Variants in DLG2 observed in about 807,000 individuals in gnomAD.
The protein encoded by DLG2 is disks large homolog 2.
Under a neutral mutation model 132.5 loss-of-function variants are expected in DLG2, and 45 were observed. The observed-to-expected ratio is 0.34, with a 90% confidence interval of 0.27 to 0.44. The LOEUF is 0.44. DLG2 is among the 20% of genes least tolerant of loss of function. DLG2 has a pLI of 1.00. For synonymous variants in DLG2, 424 were observed against 419.6 expected (o/e 1.01, Z -0.13); for missense variants, 1,045 against 1,196.9 (o/e 0.87, Z 1.87).
At chr11:83,570,137 A>G (rs934249190) in intron 19 of DLG2, among the ~76,000 whole-genome samples, 10 of 152,126 alleles carry the variant, frequency 6.6e-5, no homozygotes, top group African/African-American at 2.4e-4. Context: ...TATCAAGCAC[A>G]CTAGTTATGG....
chr11:85,448,763 T>C (rs1038817530), intron 3 of DLG2, among the ~76,000 whole-genome samples: 6 of 152,162 alleles, frequency 3.9e-5, no homozygotes, highest in African/African-American at 7.2e-5. Flanking sequence ...CTTATCTTTA[T>C]TGCTTCCAAG....
intron 19 of DLG2, among the ~76,000 whole-genome samples, chr11:83,587,145 T>C (rs1248891351): frequency 6.6e-6 from 1 of 152,240 alleles, no homozygotes; most frequent in African/African-American, 2.4e-5. Context: ...ATTATTGTTA[T>C]GCTTTGGATT....
chr11:84,169,652 C>A (rs971904282), intron 8 of DLG2, among the ~76,000 whole-genome samples: 4 of 151,974 alleles, frequency 2.6e-5, no homozygotes, highest in Non-Finnish European at 5.9e-5. Flanking sequence ...GCAGGTGGAT[C>A]ACTCGAAGTC....
intron 18 of DLG2, among the ~76,000 whole-genome samples, chr11:83,713,874 G>A (rs1331931947): frequency 6.6e-6 from 1 of 152,184 alleles, no homozygotes; most frequent in East Asian, 1.9e-4. Context: ...GAGTACTTGC[G>A]AATGTGCAAG....
intron 6 of DLG2, among the ~76,000 whole-genome samples, chr11:85,062,443 T>C (rs2064255833): frequency 6.6e-6 from 1 of 151,518 alleles, no homozygotes; most frequent in Non-Finnish European, 1.5e-5. Context: ...GTTAAGAAGA[T>C]AATAAATATT....
chr11:83,704,509 C>T (rs986406097), intron 18 of DLG2, among the ~76,000 whole-genome samples: 2 of 151,062 alleles, frequency 1.3e-5, no homozygotes, highest in East Asian at 3.9e-4. Flanking sequence ...CTGGTTTTTT[C>T]TTTTTTTAAA....
At position 85,223,860 on chromosome 11, in the gene DLG2, G is replaced by A. The variant is rs571222907; in HGVS notation, c.186+61360C>T. Among the ~76,000 whole-genome samples, 5 of 152,192 alleles carry A rather than the reference G, an allele frequency of 3.3e-5. No homozygotes were observed. The South Asian group carries it at 1.0e-3, about 32-fold the overall frequency. On this transcript the variant is annotated intron_variant, in intron 4 of 27. Coordinates refer to ENST00000376104, the MANE Select transcript of DLG2 (RefSeq NM_001142699.3). ...ACCAAATAAACATTCTAAGTAAAAT[G>A]TGTGCTTACAATACCAACTCAAGAT...
At chr11:83,572,887 T>C (rs772147024) in intron 19 of DLG2, among the ~76,000 whole-genome samples, 46 of 152,128 alleles carry the variant, frequency 3.0e-4, no homozygotes, top group Non-Finnish European at 5.3e-4. Flanking sequence ...ATAATGATAG[T>C]GACACTAAGG....
At chr11:83,849,889 C>T (rs1404186444) in intron 16 of DLG2, among the ~76,000 whole-genome samples, 2 of 151,992 alleles carry the variant, frequency 1.3e-5, no homozygotes, top group African/African-American at 4.8e-5. Context: ...TTCGTGTCTC[C>T]AGTACCCAGC....
intron 6 of DLG2, among the ~76,000 whole-genome samples, chr11:85,044,614 A>G (rs1250474008): frequency 6.6e-6 from 1 of 152,042 alleles, no homozygotes; most frequent in Non-Finnish European, 1.5e-5. Flanking sequence ...TTTGGATACA[A>G]TCATGATCTA....
chr11:84,430,556 G>A (rs1418642574), intron 7 of DLG2, among the ~76,000 whole-genome samples: 1 of 151,834 alleles, frequency 6.6e-6, no homozygotes, highest in Non-Finnish European at 1.5e-5. Flanking sequence ...AATAATGCTC[G>A]AGTAAACTGC....
rs141364175 is a variant in DLG2 at position 84,655,992 on chromosome 11, T to C, written c.358-121261A>G. ...CAGAGTAGAAAGCAAGACTAATTTA[T>C]TCATGACTTAGTAACAGAGACAAAG... On this transcript the variant is annotated intron_variant, in intron 6 of 27. Transcript: ENST00000376104. 1.3e-3 allele frequency among the ~76,000 whole-genome samples: 192 copies of C among 152,300 alleles called. 1 individual carries two copies. Among genetic ancestry groups the C allele is most frequent in the African/African-American group, 4.5e-3 (189 of 41,578 alleles).
intron 22 of DLG2, among the ~76,000 whole-genome samples, chr11:83,483,637 T>C (rs12295733): frequency 0.2 from 30,781 of 152,100 alleles, 3,293 homozygotes; most frequent in Middle Eastern, 0.22. Flanking sequence ...CATAGCAAAT[T>C]CTAAATGATA....
chr11:84,783,964 C>T (rs1395197626), intron 6 of DLG2, among the ~76,000 whole-genome samples: 1 of 151,550 alleles, frequency 6.6e-6, no homozygotes, highest in African/African-American at 2.4e-5. Context: ...GCTTGTAATT[C>T]TTATTTTGTC....
intron 11 of DLG2, among the ~76,000 whole-genome samples, chr11:84,022,395 T>G (rs1201855023): frequency 6.6e-6 from 1 of 152,158 alleles, no homozygotes; most frequent in Non-Finnish European, 1.5e-5. Context: ...TTAGTCTTTT[T>G]GACATTTACT....
At chr11:83,828,316 C>T (rs1334049946) in intron 17 of DLG2, among the ~76,000 whole-genome samples, 1 of 152,122 alleles carries the variant, frequency 6.6e-6, no homozygotes, top group Non-Finnish European at 1.5e-5. Context: ...TCACTTGAAC[C>T]CAGAAGGCAG....
chr11:83,708,747 A>C (rs959013948), intron 18 of DLG2, among the ~76,000 whole-genome samples: 1 of 150,956 alleles, frequency 6.6e-6, no homozygotes, highest in African/African-American at 2.4e-5. Context: ...TGAAGGATCT[A>C]TTTTGGAATC....
At chr11:83,509,606 T>C (rs1034478254) in intron 21 of DLG2, among the ~76,000 whole-genome samples, 1 of 152,174 alleles carries the variant, frequency 6.6e-6, no homozygotes, top group African/African-American at 2.4e-5. Flanking sequence ...TTCTTTTGTC[T>C]AAGTCAAATT....
intron 22 of DLG2, 109 bp from the exon 23 acceptor site, chr11:83,472,886 T>C: frequency 1.1e-6 from 1 of 902,522 alleles, no homozygotes; most frequent in East Asian, 2.5e-5. Flanking sequence ...TAATTCTCCT[T>C]GCTCTTTCTC....
Sources: gnomAD v4.1 joint callset for allele counts (sites outside exome capture counted in the v4.1 genomes callset) on GRCh38, gnomAD v4.1.1 for gene constraint, MANE v1.5 for transcripts, NCBI Gene and HGNC (gene_info 2026-07-23, HGNC 2026-07-21) for gene names.